The following TRMT44 variants were observed in gnomAD, a reference collection of about 807,000 sequenced individuals.
TRMT44 encodes tRNA methyltransferase 44 homolog.
Under a neutral mutation model 77.3 loss-of-function variants are expected in TRMT44, and 78 were observed. That is an observed-to-expected ratio of 1.01 (90% CI 0.84 to 1.22). The LOEUF (loss-of-function observed/expected upper bound fraction) is 1.22, where lower values mean the gene tolerates loss of function less well. Among genes scored for constraint, TRMT44 ranks in the 50% most tolerant of loss-of-function variants. The probability of loss-of-function intolerance (pLI) is 0.00; values close to 1 mark genes in which losing one functional copy is unlikely to be tolerated. For missense variants in TRMT44, 1,090 were observed against 964.4 expected (o/e 1.13, Z -1.73); for synonymous variants, 391 against 383.3 (o/e 1.02, Z -0.23).
chr4:8,491,694 G>C (rs1413832493), intron 2 of TRMT44, among the ~76,000 whole-genome samples: 1 of 152,236 alleles, frequency 6.6e-6, no homozygotes, highest in Non-Finnish European at 1.5e-5. Context: ...GGGCTGGCCG[G>C]CTGCTCCGAG....
chr4:8,442,198 A>G (rs115097313), intron 1 of TRMT44, among the ~76,000 whole-genome samples: 2,644 of 152,314 alleles, frequency 0.017, 64 homozygotes, highest in African/African-American at 0.059. Flanking sequence ...TCCTCCTCAG[A>G]GGCCTCTTGT....
chr4:8,453,671 G>C (rs1725603209), intron 5 of TRMT44: 2 of 152,190 alleles, frequency 1.3e-5, no homozygotes, highest in South Asian at 4.1e-4. Flanking sequence ...AGGGGTGGGT[G>C]TCTTGTGCCT....
At chr4:8,512,674 G>T in the TRMT44 span, 1 of 152,220 alleles carries the variant, frequency 6.6e-6, no homozygotes, top group Admixed American at 6.5e-5. Flanking sequence ...TGCGTGTGCA[G>T]TGCTGACCCA....
At chr4:8,493,727 C>T (rs1728079268), downstream of TRMT44, among the ~76,000 whole-genome samples, 1 of 152,014 alleles carries the variant, frequency 6.6e-6, no homozygotes. Context: ...TCCTTTTGGC[C>T]TCCACTTTCC....
Position 8,481,945 on chromosome 4 carries a change from T to A in TRMT44, n.3891+2412T>A, listed in dbSNP as rs542603888. Reference sequence around the variant, plus strand: ...ATGGTGATGTGCTTGGTTTCCTTTTTTCATCATAGATTTGCCTGTAAGCAG... The same window carrying A: ...ATGGTGATGTGCTTGGTTTCCTTTTATCATCATAGATTTGCCTGTAAGCAG... On this transcript the variant is annotated intron_variant and non_coding_transcript_variant, in intron 2 of 2. Coordinates refer to the TRMT44 transcript ENST00000511366. Among the ~76,000 whole-genome samples, 5 of 152,362 alleles carry A rather than the reference T, an allele frequency of 3.3e-5. No individual in the cohort carries two copies. In the East Asian group the frequency reaches 9.7e-4, roughly 29 times the overall value.
chr4:8,483,096 A>G (rs927270727), intron 2 of TRMT44, among the ~76,000 whole-genome samples: 5 of 152,190 alleles, frequency 3.3e-5, no homozygotes, highest in Admixed American at 1.3e-4. Context: ...GCCTGGATAC[A>G]GTTTTGTATG....
intron 2 of TRMT44, among the ~76,000 whole-genome samples, chr4:8,484,763 T>G (rs1369275669): frequency 6.6e-6 from 1 of 152,022 alleles, no homozygotes; most frequent in Admixed American, 6.6e-5. Context: ...ATATAATGGT[T>G]TTGTTAGGAT....
chr4:8,442,393 C>T (rs1724797866), intron 1 of TRMT44, among the ~76,000 whole-genome samples: 1 of 152,206 alleles, frequency 6.6e-6, no homozygotes, highest in Non-Finnish European at 1.5e-5. Flanking sequence ...TTTATTTTTA[C>T]TGCCCGTGAC....
chr4:8,494,968 A>G (rs1253703792), downstream of TRMT44, among the ~76,000 whole-genome samples: 1 of 152,196 alleles, frequency 6.6e-6, no homozygotes, highest in Non-Finnish European at 1.5e-5. Flanking sequence ...GATGTAGTGC[A>G]TGGTAAGCAT....
At chr4:8,491,973 A>G (rs1473814587) in intron 2 of TRMT44, among the ~76,000 whole-genome samples, 1 of 152,218 alleles carries the variant, frequency 6.6e-6, no homozygotes, top group Non-Finnish European at 1.5e-5. Flanking sequence ...GTCACCTCTC[A>G]ACTCAGTCTC....
chr4:8,489,661 A>G (rs544960270), intron 2 of TRMT44, among the ~76,000 whole-genome samples: 5 of 152,200 alleles, frequency 3.3e-5, no homozygotes, highest in Non-Finnish European at 2.9e-5. Context: ...TATTTTTAGT[A>G]GAGATGGGGT....
chr4:8,471,322 C>T (rs569542336), intron 10 of TRMT44, 122 bp downstream of exon 10: 30 of 707,044 alleles, frequency 4.2e-5, no homozygotes, highest in Non-Finnish European at 5.8e-5. Flanking sequence ...CAGCAAGTTC[C>T]GCGGTGCCCC....
Position 8,449,949 on chromosome 4 carries a change from C to CTTTTTTTTTTTTTTT in TRMT44, c.954+72_954+86dup, listed in dbSNP as rs745915221. The CTTTTTTTTTTTTTTT allele has an allele frequency of 6.9e-4, 166 of 239,050 alleles. 1 individual carries two copies. The highest frequency in any genetic ancestry group is 1.3e-3 in the Middle Eastern group (1 of 764). The allele number at this position is 239,050 out of a possible 1,614,324, so 14.8% of individuals were successfully genotyped here. The stretch of plus-strand genomic sequence containing the variant: ...TCATGATTTTCTTTTCTTTTCTTTT[C>CTTTTTTTTTTTTTTT]TTTTTTTTTTTTTTTTTTTTTTTTT... On this transcript the variant is annotated intron_variant, in intron 3 of 10. Transcript: ENST00000389737.
chr4:8,484,183 A>G (rs1423215102), intron 2 of TRMT44, among the ~76,000 whole-genome samples: 1 of 152,160 alleles, frequency 6.6e-6, no homozygotes, highest in East Asian at 1.9e-4. Flanking sequence ...CAGGGTGAGG[A>G]ACAGAGAAGA....
chr4:8,469,690 C>G (rs1726849828), intron 9 of TRMT44, among the ~76,000 whole-genome samples: 1 of 152,126 alleles, frequency 6.6e-6, no homozygotes, highest in East Asian at 1.9e-4. Flanking sequence ...CTAACAGGCT[C>G]TGGACCCCCG....
At chr4:8,494,126 A>G (rs1186323649), downstream of TRMT44, among the ~76,000 whole-genome samples, 1 of 151,656 alleles carries the variant, frequency 6.6e-6, no homozygotes. Flanking sequence ...GGGACCCCCA[A>G]ATCACTCAGC....
At chr4:8,477,440 AG>A (rs1727446989), downstream of TRMT44, 1 of 152,180 alleles carries the variant, frequency 6.6e-6, no homozygotes, top group Non-Finnish European at 1.5e-5. Context: ...GGCAGGCCCC[AG>A]TTTGTCGAGC....
Position 8,452,859 on chromosome 4 carries a change from G to C in TRMT44, c.1024-23G>C. The C allele has an allele frequency of 1.4e-6, 2 of 1,429,196 alleles. No individual in the cohort carries two copies. Among genetic ancestry groups the C allele is most frequent in the Middle Eastern group, 1.7e-4 (1 of 5,758 alleles). 88.5% of individuals were successfully genotyped at this position (1,429,196 alleles called of 1,614,324 possible). A position where few individuals can be genotyped will look rare whatever the true frequency, so the allele number is the denominator to read the frequency against. ...GTAGAGTGAATTACCACCTGACTTT[G>C]TTTTGTTTTTCTCTTCACTTAGATT... is the stretch of plus-strand genomic sequence containing the variant. On this transcript the variant is annotated intron_variant, in intron 4 of 10. Coordinates refer to ENST00000389737, the MANE Select transcript of TRMT44 (RefSeq NM_152544.3). This position sits in a 1 kb window ranked among gnomAD's most constrained non-coding sequence, Gnocchi z 5.7.
chr4:8,465,239 C>T (rs1245364458), intron 7 of TRMT44, 139 bp from the exon 8 acceptor site: 1 of 821,664 alleles, frequency 1.2e-6, no homozygotes. Flanking sequence ...TTATATGCAA[C>T]AAAAAGAAAC....
Sources: allele counts gnomAD v4.1 joint callset (sites outside exome capture counted in the v4.1 genomes callset), GRCh38; gene constraint gnomAD v4.1.1; non-coding constraint Gnocchi (gnomAD v3.1); transcripts MANE v1.5; gene names NCBI Gene and HGNC (gene_info 2026-07-23, HGNC 2026-07-21).